Variants in CACNA1B observed in about 807,000 individuals in gnomAD.
CACNA1B encodes calcium voltage-gated channel subunit alpha1 B.
A neutral mutation model predicts 247.2 loss-of-function variants in CACNA1B; 70 were observed. The ratio of observed to expected loss-of-function variants is 0.28; its 90% CI spans 0.23 to 0.35. The LOEUF (loss-of-function observed/expected upper bound fraction) is 0.35, where lower values mean the gene tolerates loss of function less well. Among genes scored for constraint, CACNA1B ranks in the 10% least tolerant of loss-of-function variants. CACNA1B has a pLI of 1.00. For missense variants in CACNA1B, 2,367 were observed against 3,197.4 expected, an observed-to-expected ratio of 0.74 and a Z score of 6.26; for synonymous variants, 1,231 against 1,294.4, an observed-to-expected ratio of 0.95 and a Z score of 1.05.
intron 7 of CACNA1B, among the ~76,000 whole-genome samples, chr9:137,953,106 C>T (rs1476569610): frequency 6.6e-6 from 1 of 152,146 alleles, no homozygotes; most frequent in East Asian, 1.9e-4. Context: ...CCAGGTGGGC[C>T]TGTGGGCACA....
In CACNA1B at chr9:137,984,143, C is replaced by T. The variant is rs200577707; in HGVS notation, c.1662C>T (p.Ile554=). Residue 554 remains isoleucine (I), a synonymous_variant, in exon 13 of 47, where the codon ATC becomes ATT. Transcript: ENST00000371372. ...SSFNCFDFGV[I]VGSVFEVVWA... ...CTAATGCCATCCCGTTGCAGGTCAT[C>T]GTGGGGAGCGTCTTTGAAGTGGTCT... 9.4e-6 allele frequency: 15 copies of T among 1,593,216 alleles called. No individual in the cohort carries two copies. The highest frequency in any genetic ancestry group is 1.8e-5 in the Admixed American group (1 of 56,872).
intron 35 of CACNA1B, among the ~76,000 whole-genome samples, chr9:138,077,812 C>T (rs549464175): frequency 6.6e-6 from 1 of 152,346 alleles, no homozygotes; most frequent in South Asian, 2.1e-4. Context: ...TGGCGTGTGT[C>T]TGGGAGGAGG....
Position 138,123,920 on chromosome 9 carries a change from C to CT in CACNA1B, c.*1921_*1922insT, listed in dbSNP as rs1962183716. 2.0e-5 allele frequency: 3 copies of CT among 152,168 alleles called. No homozygotes were observed. Among genetic ancestry groups the CT allele is most frequent in the Admixed American group, 1.3e-4 (2 of 15,268 alleles). 9.4% of individuals were successfully genotyped at this position (152,168 alleles called of 1,614,324 possible). ...TGACGTTTTGTCTCTTGTTCCCCAG[C>CT]CCCCAGCCCATGTTATCTTGGGTGT... On this transcript the variant is annotated 3_prime_UTR_variant, in exon 47 of 47. Coordinates refer to ENST00000371372, the MANE Select transcript of CACNA1B (RefSeq NM_000718.4).
chr9:137,932,399 G>T (rs550339777), intron 6 of CACNA1B, among the ~76,000 whole-genome samples: 1 of 152,308 alleles, frequency 6.6e-6, no homozygotes, highest in East Asian at 1.9e-4. Context: ...CCAGTTGGCT[G>T]GTAAATCTAA....
At chr9:138,019,985 T>TG (rs1958823231) in intron 18 of CACNA1B, among the ~76,000 whole-genome samples, 1 of 151,028 alleles carries the variant, frequency 6.6e-6, no homozygotes, top group Non-Finnish European at 1.5e-5. Context: ...TAGTCCCAGC[T>TG]ACTCGGTAGG....
At chr9:138,069,881 C>T (rs1260923977) in intron 32 of CACNA1B, 118 bp downstream of exon 32, 6 of 875,764 alleles carry the variant, frequency 6.9e-6, no homozygotes, top group Admixed American at 3.9e-5. Flanking sequence ...TGGTTGGATG[C>T]GGCTGCATCC....
chr9:137,953,743 G>A (rs751657699), intron 7 of CACNA1B, among the ~76,000 whole-genome samples: 1 of 152,150 alleles, frequency 6.6e-6, no homozygotes, highest in Non-Finnish European at 1.5e-5. Context: ...TGGAGGCACA[G>A]TGGACAGAAG....
intron 15 of CACNA1B, among the ~76,000 whole-genome samples, chr9:137,995,807 A>G (rs1413703901): frequency 6.6e-6 from 1 of 152,278 alleles, no homozygotes; most frequent in Non-Finnish European, 1.5e-5. Flanking sequence ...CAGAATCTGC[A>G]AAGAACTCAA....
intron 6 of CACNA1B, among the ~76,000 whole-genome samples, chr9:137,943,359 C>T (rs1738389537): frequency 6.6e-6 from 1 of 152,160 alleles, no homozygotes; most frequent in South Asian, 2.1e-4. Context: ...GGCCTCCATG[C>T]TGAATGTAAA....
chr9:138,111,733 AC>A (rs201238415), intron 39 of CACNA1B, among the ~76,000 whole-genome samples: 3 of 147,082 alleles, frequency 2.0e-5, no homozygotes, highest in African/African-American at 5.0e-5. Flanking sequence ...CCTCCTGCCC[AC>A]CCCTCCATCC....
At chr9:137,988,593 A>G (rs1325624733) in intron 15 of CACNA1B, among the ~76,000 whole-genome samples, 1 of 152,192 alleles carries the variant, frequency 6.6e-6, no homozygotes, top group Non-Finnish European at 1.5e-5. Flanking sequence ...CACTTAGAAA[A>G]TAAAAGGACC....
rs1564214094 is a variant in CACNA1B, at chr9:137,971,335, C to CG, written c.1334-45dup. On this transcript the variant is annotated intron_variant, in intron 10 of 46. Coordinates refer to ENST00000371372, the MANE Select transcript of CACNA1B (RefSeq NM_000718.4). The surrounding 1 kb of genome is among the most constrained non-coding windows in gnomAD (Gnocchi z 4.4). ...TGTGGGGGTCCACAGGTGGGGTAGGCGGGTGCCCATTGGTCCCCACATCCT... is the reference window on the plus strand; with the variant it reads ...TGTGGGGGTCCACAGGTGGGGTAGGCGGGGTGCCCATTGGTCCCCACATCCT... 3 of 1,379,308 alleles carry CG rather than the reference C, an allele frequency of 2.2e-6. No individual in the cohort carries two copies. Among genetic ancestry groups the CG allele is most frequent in the Non-Finnish European group, 3.0e-6 (3 of 987,042 alleles). 85.4% of individuals were successfully genotyped at this position (1,379,308 alleles called of 1,614,324 possible). A position where few individuals can be genotyped will look rare whatever the true frequency, so the allele number is the denominator to read the frequency against.
intron 10 of CACNA1B, among the ~76,000 whole-genome samples, chr9:137,958,762 C>A (rs549795091): frequency 6.6e-6 from 1 of 152,252 alleles, no homozygotes; most frequent in Non-Finnish European, 1.5e-5. Context: ...CAGTACAGGC[C>A]AACCTTCGCC....
intron 10 of CACNA1B, among the ~76,000 whole-genome samples, chr9:137,965,496 C>T (rs940635516): frequency 2.0e-5 from 3 of 152,258 alleles, no homozygotes; most frequent in Non-Finnish European, 4.4e-5. Context: ...GCCTGGACAA[C>T]ATAGTGAGAT....
In CACNA1B at chr9:138,023,810, C is replaced by G. The variant is rs908101554; in HGVS notation, c.3067C>G (p.Arg1023Gly). 9 of 1,351,188 alleles carry G rather than the reference C, an allele frequency of 6.7e-6. No individual in the cohort carries two copies. The African/African-American group carries it at 7.3e-5, about 11-fold the overall frequency. 83.7% of individuals were successfully genotyped at this position (1,351,188 alleles called of 1,614,324 possible). ...AAAGGAGCTCCGGAACCACCAGCCCCGGTGAGTCCGCGGCTGGGCGGGGTC... is the reference window on the plus strand; with the variant it reads ...AAAGGAGCTCCGGAACCACCAGCCCGGGTGAGTCCGCGGCTGGGCGGGGTC... ...KEKELRNHQP[R>G]EPHCDLETSG... Residue 1023 changes from arginine (R) to glycine (G), a missense_variant and splice_region_variant, in exon 19 of 47, where the codon CGG (arginine) becomes GGG (glycine). Physicochemically the swap from Arg to Gly is moderately radical, Grantham distance 125. Transcript: ENST00000371372.
chr9:138,005,900 G>A (rs1472516206), intron 15 of CACNA1B, among the ~76,000 whole-genome samples: 3 of 152,054 alleles, frequency 2.0e-5, no homozygotes, highest in African/African-American at 4.8e-5. Flanking sequence ...AAAATTAGCC[G>A]GGTGAGGTGG....
At chr9:138,033,847 C>G (rs1322362308) in intron 20 of CACNA1B, among the ~76,000 whole-genome samples, 1 of 152,162 alleles carries the variant, frequency 6.6e-6, no homozygotes, top group Admixed American at 6.5e-5. Context: ...CATCTGGTCT[C>G]TCCCTTGACA....
rs572656087 is a variant in CACNA1B at position 138,083,741 on chromosome 9, G to A, written c.5094+5483G>A. ...GCCCTGCTTTCCTGGAGCTAGACTT[G>A]CCCCCTGGAGTCTGAGCTGCTGAGA... On this transcript the variant is annotated intron_variant, in intron 36 of 46. Transcript: ENST00000371372. Among the ~76,000 whole-genome samples, 10 of 150,686 alleles carry A rather than the reference G, an allele frequency of 6.6e-5. No individual in the cohort carries two copies. The South Asian group carries it at 1.9e-3, about 28-fold the overall frequency.
In CACNA1B at chr9:138,051,544, C is replaced by T. The variant is rs920023555; in HGVS notation, c.3711-548C>T. Reference sequence around the variant, plus strand: ...TTGCATTGCCTCTGTATTCGTCCGACTTTTTCTCTTTCTTACTCTCCTTCC... The same window carrying T: ...TTGCATTGCCTCTGTATTCGTCCGATTTTTTCTCTTTCTTACTCTCCTTCC... On this transcript the variant is annotated intron_variant, in intron 24 of 46. Transcript: ENST00000371372. This position sits in a 1 kb window ranked among gnomAD's most constrained non-coding sequence, Gnocchi z 4.3. Among the ~76,000 whole-genome samples the T allele has an allele frequency of 5.3e-5, 8 of 149,892 alleles. No individual in the cohort carries two copies. Among genetic ancestry groups the T allele is most frequent in the Non-Finnish European group, 1.0e-4 (7 of 67,616 alleles).
Sources: allele counts gnomAD v4.1 joint callset (sites outside exome capture counted in the v4.1 genomes callset), GRCh38; gene constraint gnomAD v4.1.1; non-coding constraint Gnocchi (gnomAD v3.1); transcripts MANE v1.5; gene names NCBI Gene and HGNC (gene_info 2026-07-23, HGNC 2026-07-21).